Variants in FBLN1 observed in about 807,000 individuals in gnomAD.
FBLN1 encodes fibulin-1.
Under a neutral mutation model 89.7 loss-of-function variants are expected in FBLN1, and 34 were observed. The observed-to-expected ratio is 0.38, with a 90% CI of 0.29 to 0.50. The LOEUF (loss-of-function observed/expected upper bound fraction) is 0.50, where lower values mean the gene tolerates loss of function less well. Ranked by LOEUF, FBLN1 falls within the 20% of genes least tolerant of loss-of-function variation. FBLN1 has a pLI of 0.92. For missense variants in FBLN1, 777 were observed against 988.1 expected (o/e 0.79, Z 2.86); for synonymous variants, 393 against 391.3 (o/e 1.00, Z -0.05).
chr22:45,558,351 A>G (rs2088814464), intron 14 of FBLN1: 2 of 285,144 alleles, frequency 7.0e-6, no homozygotes, highest in Non-Finnish European at 6.7e-6. Context: ...TCAAACATTC[A>G]GTTTCCACCA....
In FBLN1 at chr22:45,574,609, C is replaced by A. The variant is rs777089260; in HGVS notation, c.1796C>A (p.Thr599Asn). 1.2e-6 allele frequency: 2 copies of A among 1,614,166 alleles called. No individual in the cohort carries two copies. Among genetic ancestry groups the A allele is most frequent in the Admixed American group, 1.7e-5 (1 of 60,002 alleles). Reference sequence around the variant, plus strand: ...GACCCCGTGCACACCATCTCCCACACCGTCATCTCGCTGCCTACCTTCCGC... The same window carrying A: ...GACCCCGTGCACACCATCTCCCACAACGTCATCTCGCTGCCTACCTTCCGC... ...VFDPVHTISH[T>N]VISLPTFREF... Residue 599 changes from threonine (T) to asparagine (N), a missense_variant, in exon 15 of 17, where the codon ACC (threonine) becomes AAC (asparagine). Physicochemically the swap from Thr to Asn is moderately conservative, Grantham distance 65. Transcript: ENST00000327858. The surrounding 1 kb of genome is among the most constrained non-coding windows in gnomAD (Gnocchi z 4.1).
chr22:45,585,006 C>T (rs2089072700), intron 16 of FBLN1, among the ~76,000 whole-genome samples: 1 of 152,242 alleles, frequency 6.6e-6, no homozygotes, highest in Non-Finnish European at 1.5e-5. Context: ...AGCTACGCAT[C>T]CTGCTTTTAA....
At chr22:45,529,090 T>TG (rs929511658) in intron 4 of FBLN1, among the ~76,000 whole-genome samples, 2 of 152,312 alleles carry the variant, frequency 1.3e-5, no homozygotes, top group Non-Finnish European at 2.9e-5. Flanking sequence ...CGGGGCAGCA[T>TG]GGGTGGCTGG....
intron 1 of FBLN1, among the ~76,000 whole-genome samples, chr22:45,518,345 C>T (rs1266900438): frequency 6.6e-6 from 1 of 151,980 alleles, no homozygotes; most frequent in Non-Finnish European, 1.5e-5. Flanking sequence ...AGGCAGGGAC[C>T]CTGTCTGGAC....
chr22:45,583,942 G>A lies in FBLN1; in HGVS notation c.1972+6834G>A, dbSNP rs1030383792. ...GAGTTCCCTGAGGTCATGCGGTGGC[G>A]GATGGGGGTCACTTCTGCATAGGCC... On this transcript the variant is annotated intron_variant, in intron 16 of 16. Coordinates refer to ENST00000327858, the MANE Select transcript of FBLN1 (RefSeq NM_006486.3). This position sits in a 1 kb window ranked among gnomAD's most constrained non-coding sequence, Gnocchi z 4.5. Among the ~76,000 whole-genome samples the A allele has an allele frequency of 4.6e-5, 7 of 152,094 alleles. No homozygotes were observed. Among genetic ancestry groups the A allele is most frequent in the African/African-American group, 1.4e-4 (6 of 41,386 alleles).
At chr22:45,518,483 G>C (rs2088200772) in intron 1 of FBLN1, 199 bp from the exon 2 acceptor site, 2 of 633,254 alleles carry the variant, frequency 3.2e-6, no homozygotes, top group Non-Finnish European at 5.8e-6. Flanking sequence ...CTTTCTTCTA[G>C]GAAGGAGTGG....
At chr22:45,525,475 C>G in intron 2 of FBLN1, 68 bp from the exon 3 acceptor site, 2 of 1,462,900 alleles carry the variant, frequency 1.4e-6, no homozygotes, top group Non-Finnish European at 1.9e-6. Flanking sequence ...GCACCCCCAC[C>G]CCCGAGGATC....
intron 16 of FBLN1, among the ~76,000 whole-genome samples, chr22:45,582,353 T>C (rs2089049717): frequency 6.6e-6 from 1 of 152,202 alleles, no homozygotes; most frequent in African/African-American, 2.4e-5. Flanking sequence ...TCTTGGGTCC[T>C]GGGCCAGCCC....
intron 1 of FBLN1, chr22:45,503,387 C>G (rs928583384): frequency 1.5e-4 from 27 of 184,740 alleles, no homozygotes; most frequent in Non-Finnish European, 1.2e-4. Flanking sequence ...GCTAGCTGGG[C>G]TGGGGGACGC....
chr22:45,569,425 G>C lies in FBLN1; in HGVS notation c.1698-5086G>C, dbSNP rs966290298. 4.6e-5 allele frequency among the ~76,000 whole-genome samples: 7 copies of C among 152,288 alleles called. 1 individual carries two copies. The South Asian group carries it at 1.4e-3, about 32-fold the overall frequency. The stretch of plus-strand genomic sequence containing the variant: ...GGAGGCCAAGGTGGGCAGATCACAA[G>C]GTCAAGAGTTCGAGACCAGCCTGGT... On this transcript the variant is annotated intron_variant, in intron 14 of 16. Coordinates refer to ENST00000327858, the MANE Select transcript of FBLN1 (RefSeq NM_006486.3).
chr22:45,557,086 A>C lies in FBLN1; in HGVS notation c.1697+6471A>C, dbSNP rs990639226. ...TGTGACTTCAAAAGGCCATTCCACT[A>C]TCCTATCAATCTACCTGCTTCACGA... On this transcript the variant is annotated intron_variant, in intron 14 of 16. Coordinates refer to ENST00000327858, the MANE Select transcript of FBLN1 (RefSeq NM_006486.3). This position sits in a 1 kb window ranked among gnomAD's most constrained non-coding sequence, Gnocchi z 4.9. 6.6e-6 allele frequency among the ~76,000 whole-genome samples: 1 copy of C among 152,170 alleles called. No individual in the cohort carries two copies. Among genetic ancestry groups the C allele is most frequent in the African/African-American group, 2.4e-5 (1 of 41,430 alleles).
In FBLN1 at chr22:45,549,909, A is replaced by G. The variant is rs751638550; in HGVS notation, c.1574-583A>G. Among the ~76,000 whole-genome samples, 1 of 152,208 alleles carries G rather than the reference A, an allele frequency of 6.6e-6. No homozygotes were observed. The highest frequency in any genetic ancestry group is 1.5e-5 in the Non-Finnish European group (1 of 68,030). On this transcript the variant is annotated intron_variant, in intron 13 of 16. Coordinates refer to ENST00000327858, the MANE Select transcript of FBLN1 (RefSeq NM_006486.3). The surrounding 1 kb of genome is among the most constrained non-coding windows in gnomAD (Gnocchi z 5.7). Reference sequence around the variant, plus strand: ...CAACCCCAACACACAGGCAAGACGTATGATCCCTCGAAGGCTGTTTTTCTC... The same window carrying G: ...CAACCCCAACACACAGGCAAGACGTGTGATCCCTCGAAGGCTGTTTTTCTC...
intron 14 of FBLN1, among the ~76,000 whole-genome samples, chr22:45,560,349 G>C (rs1013548173): frequency 6.6e-6 from 1 of 152,178 alleles, no homozygotes; most frequent in East Asian, 1.9e-4. Flanking sequence ...TCACAAATCT[G>C]TTTCGAAAGA....
chr22:45,548,803 TG>T, intron 13 of FBLN1, 59 bp downstream of exon 13: 2 of 1,604,158 alleles, frequency 1.2e-6, no homozygotes, highest in East Asian at 4.5e-5. Flanking sequence ...TGCAATGTCG[TG>T]GGGCTGAGGC....
rs767542766 is a variant in FBLN1, at chr22:45,563,035, C to T, written c.1698-11476C>T. The T allele has an allele frequency of 5.0e-6, 8 of 1,613,310 alleles. No individual in the cohort carries two copies. Among genetic ancestry groups the T allele is most frequent in the Non-Finnish European group, 5.9e-6 (7 of 1,179,990 alleles). ...CGCCCGCGGTGGTTTTCCGCATGGG[C>T]CCCTCCAGTGCTGTCCCCGGGGACA... is the stretch of plus-strand genomic sequence containing the variant. On this transcript the variant is annotated intron_variant, in intron 14 of 16. Transcript: ENST00000327858. The surrounding 1 kb of genome is among the most constrained non-coding windows in gnomAD (Gnocchi z 5.7).
At chr22:45,555,084 C>T (rs1271056387) in intron 14 of FBLN1, among the ~76,000 whole-genome samples, 1 of 145,894 alleles carries the variant, frequency 6.9e-6, no homozygotes. Context: ...GGACCCGTCC[C>T]CGTCTCCACC....
Position 45,597,470 on chromosome 22 carries a change from A to G in FBLN1, c.1973-2837A>G, listed in dbSNP as rs764206741. Among the ~76,000 whole-genome samples the G allele has an allele frequency of 1.3e-5, 2 of 152,158 alleles. No individual in the cohort carries two copies. Among genetic ancestry groups the G allele is most frequent in the African/African-American group, 4.8e-5 (2 of 41,424 alleles). Reference sequence around the variant, plus strand: ...CTAGTACCAGTAAAGTTGGCAGGTCACTGTGGCTAGCGGGGGCACCATTGT... The same window carrying G: ...CTAGTACCAGTAAAGTTGGCAGGTCGCTGTGGCTAGCGGGGGCACCATTGT... On this transcript the variant is annotated intron_variant, in intron 16 of 16. Transcript: ENST00000327858. The surrounding 1 kb of genome is among the most constrained non-coding windows in gnomAD (Gnocchi z 4.2).
In FBLN1 at chr22:45,550,035, G is replaced by A. The variant is rs529323976; in HGVS notation, c.1574-457G>A. On this transcript the variant is annotated intron_variant, in intron 13 of 16. Coordinates refer to ENST00000327858, the MANE Select transcript of FBLN1 (RefSeq NM_006486.3). This position sits in a 1 kb window ranked among gnomAD's most constrained non-coding sequence, Gnocchi z 8.4. ...CCTCGGGAGCCACAGAGAGGCTCTGGTTAGTTAGTGTATGGACTCTGATGC... is the reference window on the plus strand; with the variant it reads ...CCTCGGGAGCCACAGAGAGGCTCTGATTAGTTAGTGTATGGACTCTGATGC... Among the ~76,000 whole-genome samples, 3 of 152,174 alleles carry A rather than the reference G, an allele frequency of 2.0e-5. No homozygotes were observed. Among genetic ancestry groups the A allele is most frequent in the Non-Finnish European group, 4.4e-5 (3 of 68,028 alleles).
At chr22:45,519,895 C>T (rs1472953833) in intron 2 of FBLN1, among the ~76,000 whole-genome samples, 1 of 152,066 alleles carries the variant, frequency 6.6e-6, no homozygotes, top group South Asian at 2.1e-4. Context: ...ATCACCCGGG[C>T]GCGGTGGCTC....
Sources: allele counts gnomAD v4.1 joint callset (sites outside exome capture counted in the v4.1 genomes callset), GRCh38; gene constraint gnomAD v4.1.1; non-coding constraint Gnocchi (gnomAD v3.1); transcripts MANE v1.5; gene names NCBI Gene and HGNC (gene_info 2026-07-23, HGNC 2026-07-21).